The following DPYD variants were observed in gnomAD, a reference collection of about 807,000 sequenced individuals.
DPYD encodes the protein dihydropyrimidine dehydrogenase [NADP(+)].
DPYD carries 109 observed loss-of-function variants against 116.2 expected under a neutral mutation model. The ratio of observed to expected loss-of-function variants is 0.94; its 90% CI spans 0.80 to 1.10. The LOEUF (loss-of-function observed/expected upper bound fraction) is 1.10, where lower values mean the gene tolerates loss of function less well. DPYD is among the 50% of genes least tolerant of loss of function. The pLI is 0.00. For synonymous variants in DPYD, 440 were observed against 432.0 expected (o/e 1.02, Z -0.23); for missense variants, 1,302 against 1,254.5 (o/e 1.04, Z -0.57).
chr1:97,684,096 T>C (rs1660576720), intron 7 of DPYD, among the ~76,000 whole-genome samples: 1 of 152,202 alleles, frequency 6.6e-6, no homozygotes. Flanking sequence ...TATTTTTCTC[T>C]TGCTTGTCTA....
chr1:97,431,619 T>C (rs1246007372), intron 14 of DPYD, among the ~76,000 whole-genome samples: 6 of 152,194 alleles, frequency 3.9e-5, no homozygotes, highest in Admixed American at 6.5e-5. Context: ...CTATGATATT[T>C]TGATACAAGC....
chr1:97,092,177 T>G (rs554934548), intron 21 of DPYD, among the ~76,000 whole-genome samples: 1 of 152,318 alleles, frequency 6.6e-6, no homozygotes, highest in East Asian at 1.9e-4. Context: ...TCTGTTTATT[T>G]GTCATTGTCT....
intron 2 of DPYD, among the ~76,000 whole-genome samples, chr1:97,874,215 T>C (rs549760305): frequency 6.6e-6 from 1 of 151,960 alleles, no homozygotes; most frequent in East Asian, 1.9e-4. Flanking sequence ...ATCATAGAAC[T>C]TCAGAAAAAA....
chr1:97,334,317 C>T (rs913600798), intron 16 of DPYD, among the ~76,000 whole-genome samples: 1 of 152,088 alleles, frequency 6.6e-6, no homozygotes, highest in Admixed American at 6.6e-5. Context: ...CAGTAAAATG[C>T]CTAAAAACTT....
At chr1:97,447,421 G>T (rs149994689) in intron 14 of DPYD, among the ~76,000 whole-genome samples, 1 of 152,106 alleles carries the variant, frequency 6.6e-6, no homozygotes, top group Non-Finnish European at 1.5e-5. Context: ...TGGCAATATC[G>T]AGGTGCACAC....
chr1:97,899,126 T>G (rs899352923), intron 1 of DPYD, among the ~76,000 whole-genome samples: 5 of 151,592 alleles, frequency 3.3e-5, no homozygotes, highest in African/African-American at 1.2e-4. Context: ...GCCAAAGGCC[T>G]TGGGCCACGT....
intron 14 of DPYD, among the ~76,000 whole-genome samples, chr1:97,403,453 C>T (rs1435877580): frequency 6.6e-6 from 1 of 151,906 alleles, no homozygotes; most frequent in African/African-American, 2.4e-5. Context: ...GGGTCTTTTG[C>T]TTTGTTTTGG....
chr1:97,352,817 C>T (rs919449282), intron 16 of DPYD, among the ~76,000 whole-genome samples: 1 of 152,104 alleles, frequency 6.6e-6, no homozygotes, highest in African/African-American at 2.4e-5. Flanking sequence ...AAAATGACAA[C>T]TACATAACAC....
At chr1:97,261,454 T>C (rs1389769043) in intron 18 of DPYD, among the ~76,000 whole-genome samples, 2 of 151,528 alleles carry the variant, frequency 1.3e-5, no homozygotes, top group Middle Eastern at 3.2e-3. Context: ...GATGAAGTTA[T>C]GATGACTTTC....
chr1:97,684,568 A>T (rs2100930905), intron 7 of DPYD, among the ~76,000 whole-genome samples: 1 of 151,778 alleles, frequency 6.6e-6, no homozygotes, highest in South Asian at 2.1e-4. Context: ...TTTTGAAAAA[A>T]AAATATATAT....
chr1:97,496,793 C>T (rs993830294), intron 13 of DPYD, among the ~76,000 whole-genome samples: 15 of 151,946 alleles, frequency 9.9e-5, no homozygotes, highest in East Asian at 1.9e-4. Context: ...TGTTTTCTCA[C>T]GCACATCACA....
intron 20 of DPYD, among the ~76,000 whole-genome samples, chr1:97,167,722 C>T (rs1233908522): frequency 1.3e-5 from 2 of 152,112 alleles, no homozygotes; most frequent in Admixed American, 1.3e-4. Flanking sequence ...TACTTGAAAG[C>T]TGTTAATTAT....
At position 97,243,510 on chromosome 1, in the gene DPYD, A is replaced by G. The variant is rs115938942; in HGVS notation, c.2300-8516T>C. On this transcript the variant is annotated intron_variant, in intron 18 of 22. Transcript: ENST00000370192. ...AAGTATGGGTCCAGTATTTGAATCC[A>G]GGCCTACCTGACTCCCAACACCATG... Among the ~76,000 whole-genome samples, 174 of 151,990 alleles carry G rather than the reference A, an allele frequency of 1.1e-3. 2 individuals are homozygous for G. Among genetic ancestry groups the G allele is most frequent in the African/African-American group, 4.0e-3 (166 of 41,520 alleles).
At chr1:97,388,942 T>C (rs1672514019) in intron 14 of DPYD, among the ~76,000 whole-genome samples, 1 of 152,096 alleles carries the variant, frequency 6.6e-6, no homozygotes, top group Admixed American at 6.6e-5. Context: ...GCATTGTTTG[T>C]ATCTAACAGG....
chr1:97,899,361 G>A (rs999512434), intron 1 of DPYD, among the ~76,000 whole-genome samples: 10 of 151,880 alleles, frequency 6.6e-5, no homozygotes, highest in African/African-American at 2.2e-4. Flanking sequence ...TTAAATGTGT[G>A]CCATGTAACT....
intron 21 of DPYD, among the ~76,000 whole-genome samples, chr1:97,090,321 T>G (rs1465507641): frequency 6.6e-6 from 1 of 152,182 alleles, no homozygotes; most frequent in African/African-American, 2.4e-5. Flanking sequence ...AGAGCTACCC[T>G]TTGGAATCAA....
intron 8 of DPYD, among the ~76,000 whole-genome samples, chr1:97,659,730 A>C (rs1260534113): frequency 1.3e-5 from 2 of 152,156 alleles, no homozygotes; most frequent in African/African-American, 4.8e-5. Flanking sequence ...AAAAGTGCAC[A>C]TAGTATAAGA....
At chr1:97,672,195 A>G (rs1000423949) in intron 8 of DPYD, among the ~76,000 whole-genome samples, 1 of 152,066 alleles carries the variant, frequency 6.6e-6, no homozygotes, top group African/African-American at 2.4e-5. Context: ...AGGTGCCTTA[A>G]AAGAGCCACT....
intron 19 of DPYD, among the ~76,000 whole-genome samples, chr1:97,217,410 C>T (rs1320664658): frequency 6.6e-6 from 1 of 152,076 alleles, no homozygotes; most frequent in Non-Finnish European, 1.5e-5. Context: ...TAATTTCCTT[C>T]ACTACTATTT....
Sources: allele counts gnomAD v4.1 joint callset (sites outside exome capture counted in the v4.1 genomes callset), GRCh38; gene constraint gnomAD v4.1.1; transcripts MANE v1.5; gene names NCBI Gene and HGNC (gene_info 2026-07-23, HGNC 2026-07-21).